Variants in GALNT16 observed in about 807,000 individuals in gnomAD.
GALNT16 encodes the protein UDP-GalNAc:polypeptide N-acetylgalactosaminyltransferase-like protein 1.
GALNT16 carries 40 observed loss-of-function variants against 76.1 expected under a neutral mutation model. The observed-to-expected ratio is 0.53, with a 90% CI of 0.41 to 0.68. The LOEUF is 0.68. Among genes scored for constraint, GALNT16 ranks in the 30% least tolerant of loss-of-function variants. GALNT16 has a pLI of 0.00. For synonymous variants in GALNT16, 276 were observed against 285.2 expected, an observed-to-expected ratio of 0.97 and a Z score of 0.32; for missense variants, 621 against 731.9, an observed-to-expected ratio of 0.85 and a Z score of 1.75.
At chr14:69,335,374 A>T (rs183239071) in intron 9 of GALNT16, among the ~76,000 whole-genome samples, 4 of 151,966 alleles carry the variant, frequency 2.6e-5, no homozygotes, top group Admixed American at 2.6e-4. Flanking sequence ...CTCCATTCTG[A>T]CCCCTTTCAT....
chr14:69,271,094 G>A (rs969741288), intron 1 of GALNT16, among the ~76,000 whole-genome samples: 6 of 151,992 alleles, frequency 3.9e-5, no homozygotes, highest in Admixed American at 1.3e-4. Flanking sequence ...GGTGCCTTGC[G>A]GGGGCATGAA....
intron 9 of GALNT16, among the ~76,000 whole-genome samples, chr14:69,336,122 T>C (rs1041170040): frequency 2.0e-5 from 3 of 152,130 alleles, no homozygotes; most frequent in Non-Finnish European, 4.4e-5. Context: ...CGGCCTCCTT[T>C]TTTTTCAGAC....
At chr14:69,316,781 G>A (rs1395716707) in intron 1 of GALNT16, among the ~76,000 whole-genome samples, 2 of 96,650 alleles carry the variant, frequency 2.1e-5, no homozygotes, top group Non-Finnish European at 4.4e-5. Context: ...CTGTGAGGGG[G>A]GGGGGCACTG....
intron 14 of GALNT16, chr14:69,350,590 T>G (rs891207911): frequency 2.6e-5 from 4 of 152,494 alleles, no homozygotes; most frequent in African/African-American, 9.6e-5. Flanking sequence ...CATCACGTCC[T>G]TGCATTCCCA....
intron 2 of GALNT16, among the ~76,000 whole-genome samples, chr14:69,323,597 C>T (rs1339359504): frequency 1.3e-5 from 2 of 152,164 alleles, no homozygotes; most frequent in Non-Finnish European, 2.9e-5. Context: ...CACTCCCTCC[C>T]CCACAATTCA....
At chr14:69,348,052 G>T in intron 14 of GALNT16, 50 bp downstream of exon 14, 1 of 1,597,648 alleles carries the variant, frequency 6.3e-7, no homozygotes. Flanking sequence ...GAGGGGCCAT[G>T]CCTCAGGGTG....
chr14:69,272,778 G>A (rs945798243), intron 1 of GALNT16, among the ~76,000 whole-genome samples: 6 of 152,018 alleles, frequency 3.9e-5, no homozygotes, highest in Non-Finnish European at 8.8e-5. Context: ...GTTTAGATAC[G>A]TACACATGTG....
chr14:69,344,713 C>A (rs940575722), intron 12 of GALNT16, among the ~76,000 whole-genome samples: 1 of 152,202 alleles, frequency 6.6e-6, no homozygotes, highest in African/African-American at 2.4e-5. Context: ...CACCTCACCT[C>A]TGAAAGCTGA....
At chr14:69,337,470 G>A (rs887396850) in intron 9 of GALNT16, among the ~76,000 whole-genome samples, 2 of 152,214 alleles carry the variant, frequency 1.3e-5, no homozygotes, top group African/African-American at 4.8e-5. Flanking sequence ...TATGGGCTGA[G>A]TGGGATGAAG....
intron 1 of GALNT16, among the ~76,000 whole-genome samples, chr14:69,286,284 C>G (rs918152347): frequency 6.7e-6 from 1 of 150,060 alleles, no homozygotes; most frequent in African/African-American, 2.5e-5. Flanking sequence ...TATGCACTTA[C>G]CAAAATTCAT....
At chr14:69,269,778 A>ATG (rs149628376) in intron 1 of GALNT16, among the ~76,000 whole-genome samples, 2 of 137,324 alleles carry the variant, frequency 1.5e-5, no homozygotes, top group Non-Finnish European at 3.1e-5. Context: ...TGTATGTAGT[A>ATG]TGTGTGTGTG....
chr14:69,346,986 G>A (rs1486853956), intron 12 of GALNT16, 54 bp from the exon 13 acceptor site: 5 of 1,609,670 alleles, frequency 3.1e-6, no homozygotes, highest in South Asian at 2.2e-5. Context: ...GGCAGAGGGT[G>A]TAGGTAAGCC....
intron 1 of GALNT16, among the ~76,000 whole-genome samples, chr14:69,275,604 C>A (rs529993447): frequency 6.6e-6 from 1 of 152,340 alleles, no homozygotes; most frequent in African/African-American, 2.4e-5. Flanking sequence ...TACCTGTAAT[C>A]CCAGCACTTG....
intron 1 of GALNT16, among the ~76,000 whole-genome samples, chr14:69,277,830 A>T (rs1411911116): frequency 1.3e-5 from 2 of 152,254 alleles, no homozygotes; most frequent in East Asian, 3.9e-4. Context: ...ACTAGTTTAC[A>T]GTCCCATCAA....
intron 1 of GALNT16, among the ~76,000 whole-genome samples, chr14:69,268,736 C>G (rs1403371039): frequency 1.3e-5 from 2 of 152,124 alleles, no homozygotes; most frequent in Non-Finnish European, 2.9e-5. Context: ...GAAAGTAAAG[C>G]AGCATAAGGG....
rs1166382592 is a variant in GALNT16 at position 69,338,354 on chromosome 14, G to A, written c.968-297G>A. Among the ~76,000 whole-genome samples, 3 of 152,232 alleles carry A rather than the reference G, an allele frequency of 2.0e-5. No individual in the cohort carries two copies. The East Asian group carries it at 5.8e-4, about 29-fold the overall frequency. On this transcript the variant is annotated intron_variant, in intron 9 of 14. Transcript: ENST00000448469. The stretch of plus-strand genomic sequence containing the variant: ...AGCCTGGAAATGATGCCACTGTTTG[G>A]TTGTTTTCCTTCTACTTATGTTCTT...
chr14:69,333,367 C>T lies in GALNT16; in HGVS notation c.864-130C>T. On this transcript the variant is annotated intron_variant, in intron 8 of 14. Coordinates refer to ENST00000448469, the MANE Select transcript of GALNT16 (RefSeq NM_001168368.2). This position sits in a 1 kb window ranked among gnomAD's most constrained non-coding sequence, Gnocchi z 4.2. Reference sequence around the variant, plus strand: ...CAGATGTGGGGGGCCAGGGAGCTGGCCAGACATCCTGCCCCAGTGACTCTG... The same window carrying T: ...CAGATGTGGGGGGCCAGGGAGCTGGTCAGACATCCTGCCCCAGTGACTCTG... 1.4e-6 allele frequency: 1 copy of T among 718,542 alleles called. No homozygotes were observed. The highest frequency in any genetic ancestry group is 1.6e-5 in the South Asian group (1 of 63,512). The allele number at this position is 718,542 out of a possible 1,614,324, so 44.5% of individuals were successfully genotyped here.
In GALNT16 at chr14:69,297,147, A is replaced by G. The variant is rs565849351; in HGVS notation, c.178-23564A>G. Among the ~76,000 whole-genome samples the G allele has an allele frequency of 1.6e-4, 25 of 152,366 alleles. 1 individual carries two copies. In the South Asian group the frequency reaches 5.2e-3, roughly 32 times the overall value. On this transcript the variant is annotated intron_variant, in intron 1 of 14. Transcript: ENST00000448469. ...TCATCATGCAAAATATCTATAGGAT[A>G]TATTTCCTAAAAAGGAATTGCTGGG... is the stretch of plus-strand genomic sequence containing the variant.
At chr14:69,355,561 T>A (rs1481109721), downstream of GALNT16, 1 of 152,422 alleles carries the variant, frequency 6.6e-6, no homozygotes, top group African/African-American at 2.4e-5. Context: ...AACCTACCTC[T>A]CCCAAAGCCC....
Sources: allele counts gnomAD v4.1 joint callset (sites outside exome capture counted in the v4.1 genomes callset), GRCh38; gene constraint gnomAD v4.1.1; non-coding constraint Gnocchi (gnomAD v3.1); transcripts MANE v1.5; gene names NCBI Gene and HGNC (gene_info 2026-07-23, HGNC 2026-07-21).